The following SNX29 variants were observed in gnomAD, a reference collection of about 807,000 sequenced individuals.
The protein encoded by SNX29 is sorting nexin-29.
A neutral mutation model predicts 102.1 loss-of-function variants in SNX29; 78 were observed. The observed-to-expected ratio is 0.76, with a 90% confidence interval of 0.64 to 0.92. The LOEUF is 0.92. Ranked by LOEUF, SNX29 falls within the 40% of genes least tolerant of loss-of-function variation. The probability of loss-of-function intolerance (pLI) is 0.00; values close to 1 mark genes in which losing one functional copy is unlikely to be tolerated. For synonymous variants in SNX29, 580 were observed against 414.5 expected (o/e 1.40, Z -4.85); for missense variants, 1,280 against 1,061.7 (o/e 1.21, Z -2.86).
intron 14 of SNX29, among the ~76,000 whole-genome samples, chr16:12,273,563 TG>T (rs2079155804): frequency 2.6e-5 from 4 of 152,110 alleles, no homozygotes; most frequent in African/African-American, 9.7e-5. Context: ...TTCACCATGT[TG>T]GCCAGCTGGT....
intron 10 of SNX29, among the ~76,000 whole-genome samples, chr16:12,071,641 C>T (rs2051306676): frequency 6.6e-6 from 1 of 152,174 alleles, no homozygotes; most frequent in Non-Finnish European, 1.5e-5. Context: ...TTAGGATTGA[C>T]TTGGCAATGC....
intron 20 of SNX29, among the ~76,000 whole-genome samples, chr16:12,534,695 T>C (rs988223940): frequency 6.6e-6 from 1 of 152,242 alleles, no homozygotes; most frequent in Non-Finnish European, 1.5e-5. Flanking sequence ...ATTCTGCTTT[T>C]CTTGGCGTTG....
At chr16:12,562,462 C>A (rs531604564) in intron 20 of SNX29, among the ~76,000 whole-genome samples, 3 of 152,192 alleles carry the variant, frequency 2.0e-5, no homozygotes, top group Admixed American at 6.5e-5. Context: ...GATCCCCCTT[C>A]ATAGGCTAGG....
At chr16:12,454,962 G>A (rs1303272626) in intron 18 of SNX29, among the ~76,000 whole-genome samples, 1 of 152,160 alleles carries the variant, frequency 6.6e-6, no homozygotes, top group Non-Finnish European at 1.5e-5. Context: ...TGGCCAAAGT[G>A]GTCTCGAACT....
intron 16 of SNX29, among the ~76,000 whole-genome samples, chr16:12,377,217 A>C (rs190441579): frequency 2.7e-3 from 405 of 152,330 alleles, no homozygotes; most frequent in Non-Finnish European, 4.5e-3. Flanking sequence ...GTAGTATATT[A>C]GTCAACGTAG....
At chr16:12,290,468 C>G (rs527998350) in intron 15 of SNX29, among the ~76,000 whole-genome samples, 1 of 152,204 alleles carries the variant, frequency 6.6e-6, no homozygotes, top group Non-Finnish European at 1.5e-5. Flanking sequence ...GTGTCCTGCA[C>G]GTCCTTTGTG....
chr16:12,451,021 C>T (rs1354031083), intron 18 of SNX29, among the ~76,000 whole-genome samples: 1 of 152,122 alleles, frequency 6.6e-6, no homozygotes, highest in African/African-American at 2.4e-5. Context: ...CTGACCATGG[C>T]TCTGCACAGA....
intron 3 of SNX29, among the ~76,000 whole-genome samples, chr16:12,024,405 C>G (rs2057130307): frequency 6.6e-6 from 1 of 152,040 alleles, no homozygotes; most frequent in Admixed American, 6.6e-5. Context: ...CTTGGCCTGC[C>G]AAAGTGCTGA....
chr16:12,474,246 T>G (rs953433285), intron 18 of SNX29, among the ~76,000 whole-genome samples: 5 of 152,240 alleles, frequency 3.3e-5, no homozygotes, highest in Non-Finnish European at 7.3e-5. Flanking sequence ...AACTTGCGGC[T>G]GGGCAGTGAG....
intron 3 of SNX29, among the ~76,000 whole-genome samples, chr16:12,023,577 CAA>C (rs542942692): frequency 2.2e-5 from 3 of 135,372 alleles, no homozygotes; most frequent in Non-Finnish European, 4.7e-5. Flanking sequence ...GACCCTGTCT[CAA>C]AAAAAAAAAA....
intron 13 of SNX29, among the ~76,000 whole-genome samples, chr16:12,197,852 C>G (rs1452099797): frequency 4.0e-5 from 6 of 151,164 alleles, no homozygotes; most frequent in African/African-American, 1.5e-4. Context: ...TGAGTTTGAT[C>G]CTTTTTTTTT....
At chr16:12,127,406 C>T (rs981759576) in intron 12 of SNX29, among the ~76,000 whole-genome samples, 20 of 149,876 alleles carry the variant, frequency 1.3e-4, no homozygotes, top group Admixed American at 9.4e-4. Context: ...TAATTATCAC[C>T]TCCTTAGCCT....
intron 15 of SNX29, among the ~76,000 whole-genome samples, chr16:12,321,317 C>T (rs2080924224): frequency 6.6e-6 from 1 of 152,174 alleles, no homozygotes; most frequent in African/African-American, 2.4e-5. Flanking sequence ...GGAGTAGGTT[C>T]ACTGTGTCCT....
At chr16:12,254,423 G>C (rs1383806428) in intron 14 of SNX29, among the ~76,000 whole-genome samples, 2 of 152,134 alleles carry the variant, frequency 1.3e-5, no homozygotes, top group Non-Finnish European at 2.9e-5. Flanking sequence ...GCCAAGGCGG[G>C]CAGATCACTT....
At chr16:12,433,400 G>A (rs963785590) in intron 18 of SNX29, among the ~76,000 whole-genome samples, 3 of 152,114 alleles carry the variant, frequency 2.0e-5, no homozygotes, top group African/African-American at 7.2e-5. Context: ...GGAGGCTGAG[G>A]TGGGTGGACC....
In SNX29 at chr16:12,570,677, G is replaced by T; in HGVS notation, c.*2048G>T. ...TCCCTTGGGCCCAGGCTTATGACCT[G>T]CACCTTTTCTGACACCTGCCCCCAA... On this transcript the variant is annotated 3_prime_UTR_variant, in exon 21 of 21. Coordinates refer to ENST00000566228, the MANE Select transcript of SNX29 (RefSeq NM_032167.5). 4.3e-6 allele frequency: 1 copy of T among 231,886 alleles called. No individual in the cohort carries two copies. Among genetic ancestry groups the T allele is most frequent in the Non-Finnish European group, 8.5e-6 (1 of 117,242 alleles). The allele number at this position is 231,886 out of a possible 1,614,324, so 14.4% of individuals were successfully genotyped here. A position where few individuals can be genotyped will look rare whatever the true frequency, so the allele number is the denominator to read the frequency against.
At chr16:12,101,660 T>C (rs1257510890) in intron 11 of SNX29, among the ~76,000 whole-genome samples, 1 of 152,154 alleles carries the variant, frequency 6.6e-6, no homozygotes, top group Non-Finnish European at 1.5e-5. Context: ...CTGGGATTGC[T>C]GGCACGAGTC....
intron 1 of SNX29, among the ~76,000 whole-genome samples, chr16:11,992,480 CT>C (rs1003557483): frequency 6.6e-6 from 1 of 152,060 alleles, no homozygotes; most frequent in African/African-American, 2.4e-5. Flanking sequence ...CCCCATCCCC[CT>C]ACCACCCCAG....
At chr16:12,111,506 A>G (rs2053500411) in intron 11 of SNX29, among the ~76,000 whole-genome samples, 2 of 152,118 alleles carry the variant, frequency 1.3e-5, no homozygotes, top group Non-Finnish European at 2.9e-5. Context: ...GAGTCCACTT[A>G]GCAGACTTCC....
Sources: gnomAD v4.1 joint callset for allele counts (sites outside exome capture counted in the v4.1 genomes callset) on GRCh38, gnomAD v4.1.1 for gene constraint, MANE v1.5 for transcripts, NCBI Gene and HGNC (gene_info 2026-07-23, HGNC 2026-07-21) for gene names.